PGM2L1: variants seen among roughly 807,000 people sequenced by gnomAD.
PGM2L1 encodes the protein glucose 1,6-bisphosphate synthase.
PGM2L1 carries 35 observed loss-of-function variants against 73.4 expected under a neutral mutation model. The ratio of observed to expected loss-of-function variants is 0.48; its 90% CI spans 0.36 to 0.63. The LOEUF (loss-of-function observed/expected upper bound fraction) is 0.63, where lower values mean the gene tolerates loss of function less well. PGM2L1 is among the 30% of genes least tolerant of loss of function. The pLI, the probability that PGM2L1 is intolerant of heterozygous loss-of-function variation, is 0.00. For missense variants in PGM2L1, 570 were observed against 742.0 expected, an observed-to-expected ratio of 0.77 and a Z score of 2.69; for synonymous variants, 225 against 253.8, an observed-to-expected ratio of 0.89 and a Z score of 1.08.
At chr11:74,380,865 A>G (rs963772829) in intron 1 of PGM2L1, among the ~76,000 whole-genome samples, 3 of 152,308 alleles carry the variant, frequency 2.0e-5, no homozygotes, top group African/African-American at 7.2e-5. Context: ...TTTCTTGACC[A>G]ACAAAGAATC....
intron 12 of PGM2L1, 105 bp from the exon 13 acceptor site, chr11:74,338,706 G>T: frequency 7.5e-7 from 1 of 1,336,490 alleles, no homozygotes; most frequent in Admixed American, 2.3e-5. Context: ...GGTATCTAAA[G>T]TCGTCAAATT....
intron 1 of PGM2L1, among the ~76,000 whole-genome samples, chr11:74,377,694 A>G (rs1862877926): frequency 6.6e-6 from 1 of 152,186 alleles, no homozygotes; most frequent in South Asian, 2.1e-4. Flanking sequence ...TTTTATGTAT[A>G]TATCACTTTT....
intron 12 of PGM2L1, among the ~76,000 whole-genome samples, chr11:74,338,914 A>G (rs1323182327): frequency 1.3e-5 from 2 of 152,226 alleles, no homozygotes; most frequent in Admixed American, 6.5e-5. Context: ...GTGTTTTTTT[A>G]ACCACAATTG....
chr11:74,368,569 C>T lies in PGM2L1; in HGVS notation c.478G>A (p.Ala160Thr), dbSNP rs1293887524. Residue 160 changes from alanine to threonine, a missense_variant, in exon 5 of 14, where the codon GCA becomes ACA. Transcript: ENST00000298198. ...RYVPTPFVPY[A>T]VQKLKAVAGV... ...GCAACTGCTTTGAGCTTCTGAACTG[C>T]ATATGGCTGAAAAATAAATAACACC... 1.6e-5 allele frequency: 26 copies of T among 1,613,206 alleles called. No individual in the cohort carries two copies. The highest frequency in any genetic ancestry group is 1.7e-5 in the Non-Finnish European group (20 of 1,179,388).
chr11:74,394,508 T>C (rs766984902), intron 1 of PGM2L1, among the ~76,000 whole-genome samples: 4 of 152,194 alleles, frequency 2.6e-5, no homozygotes, highest in African/African-American at 4.8e-5. Context: ...AACACCTGTC[T>C]TGTTGCATTG....
intron 5 of PGM2L1, chr11:74,355,629 A>G (rs924928050): frequency 1.7e-5 from 8 of 461,584 alleles, no homozygotes; most frequent in Non-Finnish European, 3.0e-5. Flanking sequence ...TCTGGCCCCT[A>G]TGGTGGTGGA....
At position 74,360,152 on chromosome 11, in the gene PGM2L1, C is replaced by A. The variant is rs186305417; in HGVS notation, c.555+8340G>T. ...GACTGAGGCAGGAGGATTGCTTGAA[C>A]CTGGAAGGTTGAAGCTGCAGTGAGC... On this transcript the variant is annotated intron_variant, in intron 5 of 13. Coordinates refer to ENST00000298198, the MANE Select transcript of PGM2L1 (RefSeq NM_173582.6). Among the ~76,000 whole-genome samples, 121 of 152,058 alleles carry A rather than the reference C, an allele frequency of 8.0e-4. 1 individual carries two copies. The highest frequency in any genetic ancestry group is 2.3e-3 in the African/African-American group (96 of 41,452).
chr11:74,398,039 C>T lies in PGM2L1; in HGVS notation c.111+12G>A. ...GAGGCGACGGCGTTTGCCGGGCTGA[C>T]CAGGTACCCACCTTATCCCAGCGGA... On this transcript the variant is annotated intron_variant, in intron 1 of 13. Transcript: ENST00000298198. The T allele has an allele frequency of 6.3e-7, 1 of 1,595,880 alleles. No individual in the cohort carries two copies. Among genetic ancestry groups the T allele is most frequent in the Non-Finnish European group, 8.5e-7 (1 of 1,170,372 alleles).
rs1354372577 is a variant in PGM2L1 at position 74,351,414 on chromosome 11, T to C, written c.718A>G (p.Met240Val). 2 of 1,613,758 alleles carry C rather than the reference T, an allele frequency of 1.2e-6. No homozygotes were observed. The highest frequency in any genetic ancestry group is 1.3e-5 in the African/African-American group (1 of 74,922). The change falls in exon 6 of 14, where the codon ATG (methionine) becomes GTG (valine). Residue 240 changes from methionine (M) to valine (V), a missense_variant. Met to Val is a conservative substitution (Grantham distance 21, BLOSUM62 1). Coordinates refer to ENST00000298198, the MANE Select transcript of PGM2L1 (RefSeq NM_173582.6). ...DPLQDICRRYMEDLKKICFYR... is the reference protein window; with the variant it reads ...DPLQDICRRYVEDLKKICFYR... ...AAACAGATCTTTTTCAGATCTTCCA[T>C]GTATCTCCTGCAAATGTCCTGCAGA...
intron 4 of PGM2L1, among the ~76,000 whole-genome samples, chr11:74,369,403 A>G (rs1310737605): frequency 7.3e-6 from 1 of 137,504 alleles, no homozygotes; most frequent in African/African-American, 3.6e-5. Context: ...TATAGAAAAA[A>G]TAAGTGGGAA....
chr11:74,397,954 C>T, intron 1 of PGM2L1, 97 bp downstream of exon 1: 2 of 1,402,912 alleles, frequency 1.4e-6, no homozygotes, highest in Non-Finnish European at 1.9e-6. Flanking sequence ...TGTCCCGAGC[C>T]ATCTCCTCTG....
At chr11:74,371,414 T>A (rs1479594774) in intron 3 of PGM2L1, among the ~76,000 whole-genome samples, 1 of 152,216 alleles carries the variant, frequency 6.6e-6, no homozygotes, top group East Asian at 1.9e-4. Flanking sequence ...ATAATGAGAA[T>A]ATAAGCTACA....
chr11:74,388,657 C>A (rs1194675803), intron 1 of PGM2L1, among the ~76,000 whole-genome samples: 1 of 152,124 alleles, frequency 6.6e-6, no homozygotes, highest in African/African-American at 2.4e-5. Context: ...TGGTATTTTT[C>A]ATTTACCATA....
intron 1 of PGM2L1, among the ~76,000 whole-genome samples, chr11:74,385,379 C>T (rs541999727): frequency 6.6e-6 from 1 of 152,172 alleles, no homozygotes; most frequent in African/African-American, 2.4e-5. Context: ...TCATATATTA[C>T]TGTGTAAGGA....
At chr11:74,389,947 C>CAAAAAAAAAAAAAAAAAAAAAA (rs71065078) in intron 1 of PGM2L1, among the ~76,000 whole-genome samples, 8 of 38,578 alleles carry the variant, frequency 2.1e-4, no homozygotes, top group African/African-American at 5.7e-4. Flanking sequence ...ACTAAAAATA[C>CAAAAAAAAAAAAAAAAAAAAAA]AAAAAAAAAA....
At chr11:74,353,500 T>C (rs1294538295) in intron 5 of PGM2L1, among the ~76,000 whole-genome samples, 1 of 151,622 alleles carries the variant, frequency 6.6e-6, no homozygotes, top group South Asian at 2.1e-4. Context: ...GCAGTGTTTG[T>C]GTCCCTGGGT....
chr11:74,344,487 G>A (rs566981950), intron 9 of PGM2L1, among the ~76,000 whole-genome samples: 8 of 152,040 alleles, frequency 5.3e-5, no homozygotes, highest in African/African-American at 1.9e-4. Flanking sequence ...CACAGAAAGA[G>A]TTTCAGAGTC....
chr11:74,366,441 G>A (rs1862660240), intron 5 of PGM2L1, among the ~76,000 whole-genome samples: 1 of 137,818 alleles, frequency 7.3e-6, no homozygotes, highest in South Asian at 2.5e-4. Context: ...CTGGGCAACA[G>A]AGTGAGACCC....
chr11:74,368,455 C>T lies in PGM2L1; in HGVS notation c.555+37G>A, dbSNP rs143622830. On this transcript the variant is annotated intron_variant, in intron 5 of 13. Coordinates refer to ENST00000298198, the MANE Select transcript of PGM2L1 (RefSeq NM_173582.6). Reference sequence around the variant, plus strand: ...ATATTATTTGAATAAAAAAGATGAACTATAAGATAAGCAAAGGTCAGGAGT... The same window carrying T: ...ATATTATTTGAATAAAAAAGATGAATTATAAGATAAGCAAAGGTCAGGAGT... 2.6e-3 allele frequency: 3,988 copies of T among 1,515,680 alleles called. 139 individuals are homozygous for T. The Admixed American group carries it at 0.06, about 23-fold the overall frequency. The allele number at this position is 1,515,680 out of a possible 1,614,324, so 93.9% of individuals were successfully genotyped here. A position where few individuals can be genotyped will look rare whatever the true frequency, so the allele number is the denominator to read the frequency against.
Sources: allele counts gnomAD v4.1 joint callset (sites outside exome capture counted in the v4.1 genomes callset), GRCh38; gene constraint gnomAD v4.1.1; transcripts MANE v1.5; gene names NCBI Gene and HGNC (gene_info 2026-07-23, HGNC 2026-07-21).